The following KIF26B variants were observed in gnomAD, a reference collection of about 807,000 sequenced individuals.
The protein encoded by KIF26B is kinesin-like protein KIF26B.
KIF26B carries 63 observed loss-of-function variants against 151.2 expected under a neutral mutation model. That is an observed-to-expected ratio of 0.42 (90% CI 0.34 to 0.51). The LOEUF (loss-of-function observed/expected upper bound fraction) is 0.51. Ranked by LOEUF, KIF26B falls within the 20% of genes least tolerant of loss-of-function variation. The probability of loss-of-function intolerance (pLI) is 0.07; values close to 1 mark genes in which losing one functional copy is unlikely to be tolerated. For synonymous variants in KIF26B, 1,357 were observed against 1,262.1 expected (o/e 1.08, Z -1.59); for missense variants, 2,813 against 2,913.6 (o/e 0.97, Z 0.79).
At chr1:245,236,584 G>T (rs1473083090) in intron 2 of KIF26B, among the ~76,000 whole-genome samples, 1 of 152,142 alleles carries the variant, frequency 6.6e-6, no homozygotes, top group Non-Finnish European at 1.5e-5. Flanking sequence ...AATAAAATTT[G>T]TTTTATAAGG....
intron 9 of KIF26B, chr1:245,614,770 A>C (rs2043567396): frequency 6.6e-6 from 1 of 152,274 alleles, no homozygotes; most frequent in Admixed American, 6.5e-5. Flanking sequence ...GTGAACGGGA[A>C]TCTCTCGGGA....
At chr1:245,538,377 A>G (rs1381533548) in intron 4 of KIF26B, among the ~76,000 whole-genome samples, 1 of 151,900 alleles carries the variant, frequency 6.6e-6, no homozygotes, top group Non-Finnish European at 1.5e-5. Context: ...TTTTAAGATG[A>G]GAGAAATAAC....
chr1:245,190,126 A>T (rs1277319285), intron 2 of KIF26B, among the ~76,000 whole-genome samples: 3 of 152,092 alleles, frequency 2.0e-5, no homozygotes, highest in Non-Finnish European at 2.9e-5. Flanking sequence ...CTACCATGAG[A>T]ACAGTATGGG....
At chr1:245,236,368 A>G (rs1407413963) in intron 2 of KIF26B, among the ~76,000 whole-genome samples, 2 of 152,146 alleles carry the variant, frequency 1.3e-5, no homozygotes, top group African/African-American at 4.8e-5. Context: ...AACGTCTTCA[A>G]CTCTAAAATG....
intron 4 of KIF26B, among the ~76,000 whole-genome samples, chr1:245,443,022 CGG>C: frequency 1.4e-5 from 1 of 69,092 alleles, no homozygotes; most frequent in Non-Finnish European, 2.8e-5. Context: ...TCACCTAGAG[CGG>C]TCATCTCCCT....
At chr1:245,197,087 A>G (rs1332228853) in intron 2 of KIF26B, among the ~76,000 whole-genome samples, 1 of 152,140 alleles carries the variant, frequency 6.6e-6, no homozygotes, top group African/African-American at 2.4e-5. Flanking sequence ...TCATATTAGA[A>G]TCCTCTGCAT....
chr1:245,577,043 C>T (rs1203501597), intron 5 of KIF26B, among the ~76,000 whole-genome samples: 1 of 152,166 alleles, frequency 6.6e-6, no homozygotes, highest in South Asian at 2.1e-4. Context: ...TGATTCATAT[C>T]TAAATTTAAG....
At chr1:245,236,812 T>C (rs1203363049) in intron 2 of KIF26B, among the ~76,000 whole-genome samples, 1 of 152,212 alleles carries the variant, frequency 6.6e-6, no homozygotes, top group East Asian at 1.9e-4. Flanking sequence ...TGGGATTTGC[T>C]CGCTGCTGTA....
intron 3 of KIF26B, among the ~76,000 whole-genome samples, chr1:245,399,388 G>T (rs1053981005): frequency 6.6e-6 from 1 of 152,184 alleles, no homozygotes; most frequent in South Asian, 2.1e-4. Context: ...AGAAATTTTG[G>T]ATGTACATTA....
chr1:245,591,482 G>T (rs141191232), intron 5 of KIF26B, among the ~76,000 whole-genome samples: 5 of 152,130 alleles, frequency 3.3e-5, no homozygotes, highest in African/African-American at 1.2e-4. Context: ...TTAAACACTC[G>T]TGCATGGACA....
intron 2 of KIF26B, among the ~76,000 whole-genome samples, chr1:245,275,025 C>T (rs1477379587): frequency 1.1e-4 from 16 of 152,152 alleles, no homozygotes; most frequent in Non-Finnish European, 1.8e-4. Context: ...TTCTAACTGG[C>T]GTGAGATGGT....
chr1:245,380,955 G>GAAAAA, intron 3 of KIF26B, among the ~76,000 whole-genome samples: 1 of 77,932 alleles, frequency 1.3e-5, no homozygotes, highest in Non-Finnish European at 2.9e-5. Flanking sequence ...CCAAAAAGAT[G>GAAAAA]AAAAAAAAAA....
At chr1:245,183,993 A>AT (rs924206159) in intron 2 of KIF26B, among the ~76,000 whole-genome samples, 6 of 129,750 alleles carry the variant, frequency 4.6e-5, no homozygotes, top group African/African-American at 1.5e-4. Flanking sequence ...CTTTCATTGG[A>AT]TTTTTTCCTA....
At chr1:245,669,325 A>G (rs1040235772) in intron 10 of KIF26B, among the ~76,000 whole-genome samples, 1 of 152,196 alleles carries the variant, frequency 6.6e-6, no homozygotes, top group Non-Finnish European at 1.5e-5. Flanking sequence ...TAAACTGAAG[A>G]CTGATGAAGT....
intron 10 of KIF26B, among the ~76,000 whole-genome samples, chr1:245,658,386 T>G (rs958539842): frequency 6.6e-6 from 1 of 152,180 alleles, no homozygotes; most frequent in Non-Finnish European, 1.5e-5. Flanking sequence ...TTTAATATGG[T>G]CAATTACATT....
chr1:245,485,343 A>G (rs1176404514), intron 4 of KIF26B, among the ~76,000 whole-genome samples: 4 of 152,038 alleles, frequency 2.6e-5, no homozygotes, highest in Non-Finnish European at 5.9e-5. Flanking sequence ...ATACACTTAA[A>G]GATGGTTAAA....
intron 2 of KIF26B, among the ~76,000 whole-genome samples, chr1:245,223,382 A>G (rs1285627795): frequency 1.3e-5 from 2 of 152,250 alleles, no homozygotes; most frequent in Non-Finnish European, 2.9e-5. Flanking sequence ...AATGAAATGC[A>G]GAAGTCTTAA....
chr1:245,692,545 G>A (rs1236833215), intron 12 of KIF26B, among the ~76,000 whole-genome samples: 1 of 151,962 alleles, frequency 6.6e-6, no homozygotes, highest in African/African-American at 2.4e-5. Flanking sequence ...GCCTGTGGGC[G>A]ACACAGCGAG....
At chr1:245,384,251 TG>T (rs1673487396) in intron 3 of KIF26B, among the ~76,000 whole-genome samples, 1 of 152,156 alleles carries the variant, frequency 6.6e-6, no homozygotes, top group Non-Finnish European at 1.5e-5. Flanking sequence ...CTCTCCACTT[TG>T]GGGGCCATCT....
Sources: allele counts gnomAD v4.1 joint callset (sites outside exome capture counted in the v4.1 genomes callset), GRCh38; gene constraint gnomAD v4.1.1; transcripts MANE v1.5; gene names NCBI Gene and HGNC (gene_info 2026-07-23, HGNC 2026-07-21).